Variants in MARF1 observed in about 807,000 individuals in gnomAD.
The protein encoded by MARF1 is meiosis regulator and mRNA stability factor 1, also known as limkain-b1.
A neutral mutation model predicts 168.2 loss-of-function variants in MARF1; 24 were observed. That is an observed-to-expected ratio of 0.14 (90% CI 0.10 to 0.20). The LOEUF is 0.20. Ranked by LOEUF, MARF1 falls within the 10% of genes least tolerant of loss-of-function variation. The pLI, the probability that MARF1 is intolerant of heterozygous loss-of-function variation, is 1.00. For missense variants in MARF1, 1,744 were observed against 2,143.6 expected (o/e 0.81, Z 3.68); for synonymous variants, 868 against 822.4 (o/e 1.06, Z -0.95).
rs1229174781 is a variant in MARF1, at chr16:15,596,905, C to T, written c.5017G>A (p.Glu1673Lys). Reference sequence around the variant, plus strand: ...TTGCTCTTTCCTGGTATTGGAATCTCCATTTTTTCTTCTTGGTTTAAAATC... The same window carrying T: ...TTGCTCTTTCCTGGTATTGGAATCTTCATTTTTTCTTCTTGGTTTAAAATC... ...IMILNQEEKMEIPIPGKSKTL... is the reference protein window; with the variant it reads ...IMILNQEEKMKIPIPGKSKTL... The change falls in exon 27 of 27, where the codon GAG becomes AAG. Residue 1673 changes from glutamate to lysine, a missense_variant. Transcript: ENST00000396368. The T allele has an allele frequency of 6.2e-7, 1 of 1,608,322 alleles. No homozygotes were observed. The highest frequency in any genetic ancestry group is 8.5e-7 in the Non-Finnish European group (1 of 1,176,544).
intron 5 of MARF1, among the ~76,000 whole-genome samples, chr16:15,633,340 T>C (rs1276885391): frequency 6.6e-6 from 1 of 152,006 alleles, no homozygotes; most frequent in Non-Finnish European, 1.5e-5. Context: ...CATGGGTTCT[T>C]AGTTTCTGTT....
Position 15,634,932 on chromosome 16 carries a change from CTGTTT to C in MARF1, c.832-6_832-2del. The C allele has an allele frequency of 6.2e-7, 1 of 1,609,834 alleles. No individual in the cohort carries two copies. Among genetic ancestry groups the C allele is most frequent in the Non-Finnish European group, 8.5e-7 (1 of 1,178,224 alleles). On this transcript the variant is annotated splice_acceptor_variant and splice_polypyrimidine_tract_variant and intron_variant, in intron 3 of 26. Transcript: ENST00000396368. LOFTEE classifies it high-confidence loss of function. The stretch of plus-strand genomic sequence containing the variant: ...CATCGATTATGCTATTTCTTGCTGG[CTGTTT>C]TAAATTTTTTTTAAAAAGGAGGAGG...
At chr16:15,638,154 G>A (rs970347686) in intron 2 of MARF1, among the ~76,000 whole-genome samples, 2 of 151,698 alleles carry the variant, frequency 1.3e-5, no homozygotes, top group African/African-American at 4.8e-5. Flanking sequence ...GCTGAGCCGA[G>A]ACTCTGTCTC....
In MARF1 at chr16:15,599,041, G is replaced by A; in HGVS notation, c.4814-17C>T. On this transcript the variant is annotated splice_polypyrimidine_tract_variant and intron_variant, in intron 25 of 26. Transcript: ENST00000396368. ...GACTGGGCCCTGGGCAAACAAGGAG[G>A]GCCGTGACACCACAGGACCTCCACG... The A allele has an allele frequency of 1.2e-6, 2 of 1,602,316 alleles. No homozygotes were observed. The highest frequency in any genetic ancestry group is 1.7e-4 in the Middle Eastern group (1 of 5,768).
intron 22 of MARF1, 39 bp from the exon 23 acceptor site, chr16:15,602,242 A>G: frequency 6.4e-7 from 1 of 1,556,860 alleles, no homozygotes; most frequent in Non-Finnish European, 8.9e-7. Context: ...AATATTAGTG[A>G]CTGGCCCTGC....
intron 2 of MARF1, among the ~76,000 whole-genome samples, chr16:15,637,515 G>C (rs946942632): frequency 1.1e-4 from 17 of 152,304 alleles, no homozygotes; most frequent in African/African-American, 3.6e-4. Flanking sequence ...TGCCCTCTTG[G>C]TAATTATAGT....
chr16:15,641,527 TTAACA>T (rs918742880), intron 1 of MARF1, among the ~76,000 whole-genome samples: 1 of 152,254 alleles, frequency 6.6e-6, no homozygotes, highest in African/African-American at 2.4e-5. Flanking sequence ...GTATTTTCAC[TTAACA>T]TTACTTATGT....
intron 26 of MARF1, among the ~76,000 whole-genome samples, chr16:15,598,201 C>T (rs185799824): frequency 9.8e-5 from 15 of 152,304 alleles, no homozygotes; most frequent in East Asian, 3.9e-4. Context: ...CCCAGCAGCC[C>T]GGGGCCACTG....
At chr16:15,611,250 A>G in intron 18 of MARF1, 142 bp from the exon 19 acceptor site, 1 of 746,746 alleles carries the variant, frequency 1.3e-6, no homozygotes. Context: ...CGAGGTCAAG[A>G]GATCGCGACC....
chr16:15,632,201 A>T (rs2035299883), intron 5 of MARF1, among the ~76,000 whole-genome samples: 1 of 152,232 alleles, frequency 6.6e-6, no homozygotes, highest in Non-Finnish European at 1.5e-5. Flanking sequence ...AGTAGAATAT[A>T]GGAAGTGAAA....
rs2033209998 is a variant in MARF1, at chr16:15,608,369, A to G, written c.4104T>C (p.Phe1368=). 5.0e-6 allele frequency: 8 copies of G among 1,614,106 alleles called. No individual in the cohort carries two copies. The highest frequency in any genetic ancestry group is 6.8e-6 in the Non-Finnish European group (8 of 1,179,976). The change falls in exon 21 of 27, where the codon TTT becomes TTC. Residue 1368 remains phenylalanine (F), a synonymous_variant. Transcript: ENST00000396368. ...AGTCTTGGAGACGAAATGTATAACC[A>G]AAAGTTTTAGCATATTCTGTAAGGA... ...TDLLTEYAKT[F]GYTFRLQDYD...
In MARF1 at chr16:15,630,419, T is replaced by C; in HGVS notation, c.1437A>G (p.Ser479=). Residue 479 remains serine, a synonymous_variant, in exon 7 of 27, where the codon TCA becomes TCG. Coordinates refer to ENST00000396368, the MANE Select transcript of MARF1 (RefSeq NM_014647.4). ...CGTTAGCATGATGCAGCAGTGCTTC[T>C]GAGGCCTGGTTTTTATGGACCAAAA... ...HIILVHKNQA[S]EALLHHANEL... The C allele has an allele frequency of 1.2e-6, 2 of 1,614,162 alleles. No homozygotes were observed. The highest frequency in any genetic ancestry group is 1.1e-5 in the South Asian group (1 of 91,078).
chr16:15,620,766 G>A (rs2034398270), intron 12 of MARF1, among the ~76,000 whole-genome samples: 1 of 152,156 alleles, frequency 6.6e-6, no homozygotes, highest in South Asian at 2.1e-4. Flanking sequence ...CACACCAGTG[G>A]AGCAGAAAAG....
Position 15,631,458 on chromosome 16 carries a change from G to A in MARF1, c.1274C>T (p.Ala425Val), listed in dbSNP as rs1433184451. 2 of 1,613,314 alleles carry A rather than the reference G, an allele frequency of 1.2e-6. No individual in the cohort carries two copies. Among genetic ancestry groups the A allele is most frequent in the East Asian group, 4.5e-5 (2 of 44,858 alleles). ...AHINATAKNA[A>V]DDKLRQSLRR... is the part of the protein sequence containing the mutation. ...GAGACTCTGCCGCAGTTTATCATCA[G>A]CGGCATTCTTTGCAGTAGCATTGAT... is the stretch of plus-strand genomic sequence containing the variant. The change falls in exon 6 of 27, where the codon GCT becomes GTT. Residue 425 changes from alanine to valine, a missense_variant. This residue lies in a region of MARF1 where 217 missense variants were observed against 372.4 expected (regional missense o/e 0.58). Transcript: ENST00000396368.
chr16:15,611,547 G>T (rs746003071), intron 18 of MARF1, 45 bp downstream of exon 18: 2 of 1,555,766 alleles, frequency 1.3e-6, no homozygotes, highest in South Asian at 2.3e-5. Context: ...AAGATAAAAT[G>T]TCCTAAAATA....
At chr16:15,604,847 T>C (rs962977081) in intron 21 of MARF1, among the ~76,000 whole-genome samples, 1 of 152,108 alleles carries the variant, frequency 6.6e-6, no homozygotes, top group Admixed American at 6.5e-5. Context: ...CTTGCCCATA[T>C]GCGTCCCCAG....
chr16:15,614,826 C>T (rs984915826), intron 16 of MARF1, among the ~76,000 whole-genome samples: 1 of 152,122 alleles, frequency 6.6e-6, no homozygotes, highest in Admixed American at 6.5e-5. Context: ...CTCTTGTCAC[C>T]CAGGCTGGAG....
chr16:15,636,093 G>C lies in MARF1; in HGVS notation c.394C>G (p.Pro132Ala), dbSNP rs529399489. ...CTTTGCGAGTCTAACAGTGCGCCCG[G>C]GTGAATCAAGCTACTGGTACCTCCG... Reference protein sequence around the residue: ...GSGGTSSLIHPGALLDSQSTR... With the variant: ...GSGGTSSLIHAGALLDSQSTR... Residue 132 changes from proline to alanine, a missense_variant, in exon 3 of 27, where the codon CCG (proline) becomes GCG (alanine). Physicochemically the swap from Pro to Ala is conservative, Grantham distance 27 (BLOSUM62 -1). Around this residue, in one of 7 missense-constraint regions of MARF1, gnomAD observed 318 missense variants for 336.6 expected, o/e 0.94. Transcript: ENST00000396368. The C allele has an allele frequency of 2.5e-6, 4 of 1,614,228 alleles. No homozygotes were observed. In the Admixed American group the frequency reaches 6.7e-5, roughly 27 times the overall value.
At chr16:15,612,496 C>T in intron 17 of MARF1, 61 bp downstream of exon 17, 2 of 1,405,122 alleles carry the variant, frequency 1.4e-6, no homozygotes, top group Non-Finnish European at 2.0e-6. Context: ...TTGATGGAGG[C>T]AGCCAAAGCC....
Sources: allele counts gnomAD v4.1 joint callset (sites outside exome capture counted in the v4.1 genomes callset), GRCh38; gene constraint gnomAD v4.1.1; regional missense constraint gnomAD v4.1.1; transcripts MANE v1.5; gene names NCBI Gene and HGNC (gene_info 2026-07-23, HGNC 2026-07-21).